BMP4: variants seen among roughly 807,000 people sequenced by gnomAD.
BMP4 encodes the protein bone morphogenetic protein 2B.
In BMP4, 3 loss-of-function variants were observed where a neutral mutation model predicts 29.6. The ratio of observed to expected loss-of-function variants is 0.10; its 90% confidence interval spans 0.05 to 0.26. The LOEUF is 0.26. Among genes scored for constraint, BMP4 ranks in the 10% least tolerant of loss-of-function variants. BMP4 has a pLI of 1.00. For missense variants in BMP4, 455 were observed against 550.2 expected, an observed-to-expected ratio of 0.83 and a Z score of 1.73; for synonymous variants, 197 against 213.2, an observed-to-expected ratio of 0.92 and a Z score of 0.66.
At chr14:53,953,717 G>A (rs2140241786) in intron 1 of BMP4, among the ~76,000 whole-genome samples, 1 of 152,078 alleles carries the variant, frequency 6.6e-6, no homozygotes, top group Admixed American at 6.5e-5. Context: ...CCCGGTTCTC[G>A]GCGCGGTGCG....
chr14:53,950,491 T>C lies in BMP4; in HGVS notation c.768A>G (p.Arg256=). Residue 256 remains arginine, a synonymous_variant, in exon 4 of 4, where the codon CGA becomes CGG. Coordinates refer to ENST00000245451, the MANE Select transcript of BMP4 (RefSeq NM_001202.6). The surrounding 1 kb of genome is among the most constrained non-coding windows in gnomAD (Gnocchi z 5.4). ...AATTCCCACTCCCTTGAGGTAACGATCGGCTAATCCTGACATGCTGGCCCT... is the reference window on the plus strand; with the variant it reads ...AATTCCCACTCCCTTGAGGTAACGACCGGCTAATCCTGACATGCTGGCCCT... ...THQGQHVRIS[R]SLPQGSGNWA... is the part of the protein sequence containing the mutation. The C allele has an allele frequency of 1.2e-6, 2 of 1,614,128 alleles. No individual in the cohort carries two copies. Among genetic ancestry groups the C allele is most frequent in the Non-Finnish European group, 8.5e-7 (1 of 1,180,028 alleles).
At position 53,952,046 on chromosome 14, in the gene BMP4, C is replaced by T. The variant is rs887613763; in HGVS notation, c.177G>A (p.Ala59=). 1 of 1,614,112 alleles carries T rather than the reference C, an allele frequency of 6.2e-7. No homozygotes were observed. Among genetic ancestry groups the T allele is most frequent in the East Asian group, 2.2e-5 (1 of 44,866 alleles). Residue 59 remains alanine (A), a synonymous_variant, in exon 3 of 4, where the codon GCG becomes GCA. Transcript: ENST00000245451. The part of the protein sequence containing the change: ...QSHELLRDFE[A]TLLQMFGLRR... ...GCAGCCCAAACATCTGCAGAAGTGT[C>T]GCCTCGAAGTCCCGCAGGAGCTCAT...
rs1377936232 is a variant in BMP4 at position 53,954,302 on chromosome 14, C to G, written c.-132-902G>C. Reference sequence around the variant, plus strand: ...AGGCTGAGGGACAGACGCCGGGGCTCGAAGCTCCGGGCAGATTCAGAAAGA... The same window carrying G: ...AGGCTGAGGGACAGACGCCGGGGCTGGAAGCTCCGGGCAGATTCAGAAAGA... On this transcript the variant is annotated intron_variant, in intron 1 of 3. Coordinates refer to ENST00000245451, the MANE Select transcript of BMP4 (RefSeq NM_001202.6). This position sits in a 1 kb window ranked among gnomAD's most constrained non-coding sequence, Gnocchi z 4.8. The G allele has an allele frequency of 6.6e-6, 1 of 152,016 alleles. No individual in the cohort carries two copies. Among genetic ancestry groups the G allele is most frequent in the Admixed American group, 6.6e-5 (1 of 15,258 alleles). The allele number at this position is 152,016 out of a possible 1,614,324, so 9.4% of individuals were successfully genotyped here.
At position 53,951,875 on chromosome 14, in the gene BMP4, G is replaced by A. The variant is rs909451835; in HGVS notation, c.348C>T (p.Thr116=). 1.0e-5 allele frequency: 16 copies of A among 1,599,806 alleles called. No individual in the cohort carries two copies. The highest frequency in any genetic ancestry group is 1.4e-5 in the Non-Finnish European group (16 of 1,179,946). The change falls in exon 3 of 4, where the codon ACC becomes ACT. Residue 116 remains threonine (T), a synonymous_variant. Transcript: ENST00000245451. ...GACCTTCGTGGTGGAAGCTCCTCAC[G>A]GTGTTGGCCCGGCTGGCCGGGCGCT... ...YPERPASRAN[T]VRSFHHEEHL...
At chr14:53,952,808 G>A (rs1368363142) in intron 2 of BMP4, among the ~76,000 whole-genome samples, 1 of 152,128 alleles carries the variant, frequency 6.6e-6, no homozygotes, top group Non-Finnish European at 1.5e-5. Context: ...GTGGCTTGAG[G>A]GCTTATTTTA....
Position 53,950,147 on chromosome 14 carries a change from G to C in BMP4, c.1112C>G (p.Ala371Gly). ...ACTCAGTTCAGTGGGCACACAACAG[G>C]CTTTGGGGATACTGGAATTGACAGA... ...VNSVNSSIPK[A>G]CCVPTELSAI... The change falls in exon 4 of 4, where the codon GCC becomes GGC. Residue 371 changes from alanine (A) to glycine (G), a missense_variant. Transcript: ENST00000245451. The surrounding 1 kb of genome is among the most constrained non-coding windows in gnomAD (Gnocchi z 5.4). The C allele has an allele frequency of 1.2e-6, 2 of 1,614,194 alleles. No homozygotes were observed. Among genetic ancestry groups the C allele is most frequent in the South Asian group, 2.2e-5 (2 of 91,088 alleles).
chr14:53,952,254 G>A (rs1463229384), intron 2 of BMP4, 25 bp from the exon 3 acceptor site: 3 of 1,611,008 alleles, frequency 1.9e-6, no homozygotes, highest in Non-Finnish European at 2.5e-6. Context: ...GGGAGTGGAA[G>A]GTTAAAGAAT....
Position 53,949,843 on chromosome 14 carries a change from G to A in BMP4, c.*189C>T, listed in dbSNP as rs142822714. The A allele has an allele frequency of 4.4e-4, 271 of 613,610 alleles. 1 individual carries two copies. In the African/African-American group the frequency reaches 4.5e-3, roughly 10 times the overall value. 38.0% of individuals were successfully genotyped at this position (613,610 alleles called of 1,614,324 possible). On this transcript the variant is annotated 3_prime_UTR_variant, in exon 4 of 4. Transcript: ENST00000245451. The stretch of plus-strand genomic sequence containing the variant: ...TATGGTCAAAACATTTGCACGTAAA[G>A]TCATAAATAAGGTCAAGGTGAATGT...
rs956856227 is a variant in BMP4 at position 53,955,211 on chromosome 14, C to G, written c.-133+1339G>C. On this transcript the variant is annotated intron_variant, in intron 1 of 3. Coordinates refer to ENST00000245451, the MANE Select transcript of BMP4 (RefSeq NM_001202.6). This position sits in a 1 kb window ranked among gnomAD's most constrained non-coding sequence, Gnocchi z 4.0. Reference sequence around the variant, plus strand: ...TTTAAAAAGCCCGGCGAGGAGAGGTCCAGAAGTAGAGAAAGCAGACGGAGG... The same window carrying G: ...TTTAAAAAGCCCGGCGAGGAGAGGTGCAGAAGTAGAGAAAGCAGACGGAGG... Among the ~76,000 whole-genome samples, 1 of 152,154 alleles carries G rather than the reference C, an allele frequency of 6.6e-6. No homozygotes were observed.
rs773605577 is a variant in BMP4, at chr14:53,952,133, C to T, written c.90G>A (p.Thr30=). 4.3e-6 allele frequency: 7 copies of T among 1,613,648 alleles called. No homozygotes were observed. The East Asian group carries it at 6.7e-5, about 15-fold the overall frequency. ...GASHASLIPE[T]GKKKVAEIQG... ...GAATCTCGGCGACTTTTTTCTTCCC[C>T]GTCTCAGGTATCAAACTAGCATGGC... is the stretch of plus-strand genomic sequence containing the variant. Residue 30 remains threonine, a synonymous_variant, in exon 3 of 4, where the codon ACG becomes ACA. Transcript: ENST00000245451.
Position 53,953,295 on chromosome 14 carries a change from T to G in BMP4, c.-27A>C, listed in dbSNP as rs1895545278. On this transcript the variant is annotated 5_prime_UTR_variant, in exon 2 of 4. Transcript: ENST00000245451. ...ACTCACTGACAGAAAACAAGGCATA[T>G]AATAACAGTCCATGATTCTTGACAG... 2.5e-6 allele frequency: 1 copy of G among 399,124 alleles called. No homozygotes were observed. Among genetic ancestry groups the G allele is most frequent in the Non-Finnish European group, 4.4e-6 (1 of 226,116 alleles). 24.7% of individuals were successfully genotyped at this position (399,124 alleles called of 1,614,324 possible). A position where few individuals can be genotyped will look rare whatever the true frequency, so the allele number is the denominator to read the frequency against.
chr14:53,953,757 G>A (rs1029808834), intron 1 of BMP4, among the ~76,000 whole-genome samples: 7 of 151,842 alleles, frequency 4.6e-5, no homozygotes, highest in Non-Finnish European at 7.4e-5. Flanking sequence ...CGGGCCACCT[G>A]AAGCCAGAGG....
chr14:53,954,256 G>A lies in BMP4; in HGVS notation c.-132-856C>T, dbSNP rs1038914842. On this transcript the variant is annotated intron_variant, in intron 1 of 3. Coordinates refer to ENST00000245451, the MANE Select transcript of BMP4 (RefSeq NM_001202.6). The surrounding 1 kb of genome is among the most constrained non-coding windows in gnomAD (Gnocchi z 4.8). ...GTGGCCCCTCTCCCCATGCAAAGCA[G>A]ACCCCCGAAGAAGCCATGCCAGGCT... Among the ~76,000 whole-genome samples the A allele has an allele frequency of 5.1e-4, 78 of 152,178 alleles. No homozygotes were observed. Among genetic ancestry groups the A allele is most frequent in the Non-Finnish European group, 9.0e-4 (61 of 68,006 alleles).
At position 53,950,815 on chromosome 14, in the gene BMP4, A is replaced by C; in HGVS notation, c.444T>G (p.Pro148=). 6.2e-7 allele frequency: 1 copy of C among 1,612,308 alleles called. No homozygotes were observed. Among genetic ancestry groups the C allele is most frequent in the Non-Finnish European group, 8.5e-7 (1 of 1,180,020 alleles). The part of the protein sequence containing the change: ...FRFLFNLSSI[P]ENEVISSAEL... ...CTGCAGAGGAGATCACCTCGTTCTCAGGGATGCTGCTGAGGTTAAAGAGGA... is the reference window on the plus strand; with the variant it reads ...CTGCAGAGGAGATCACCTCGTTCTCCGGGATGCTGCTGAGGTTAAAGAGGA... The change falls in exon 4 of 4, where the codon CCT becomes CCG. Residue 148 remains proline (P), a synonymous_variant. Coordinates refer to ENST00000245451, the MANE Select transcript of BMP4 (RefSeq NM_001202.6). This position sits in a 1 kb window ranked among gnomAD's most constrained non-coding sequence, Gnocchi z 5.4.
Position 53,951,921 on chromosome 14 carries a change from C to T in BMP4, c.302G>A (p.Ser101Asn). 1.2e-6 allele frequency: 2 copies of T among 1,604,830 alleles called. No homozygotes were observed. Among genetic ancestry groups the T allele is most frequent in the Non-Finnish European group, 1.7e-6 (2 of 1,179,968 alleles). Residue 101 changes from serine to asparagine, a missense_variant, in exon 3 of 4, where the codon AGC (serine) becomes AAC (asparagine). Around this residue, in one of 4 missense-constraint regions of BMP4, gnomAD observed 249 missense variants for 284.6 expected, o/e 0.87. Coordinates refer to ENST00000245451, the MANE Select transcript of BMP4 (RefSeq NM_001202.6). The stretch of plus-strand genomic sequence containing the variant: ...GCGCTCAGGATACTCAAGACCAGTG[C>T]TGTGGATCTGCTCTTCCTCCTCCTC... Reference protein sequence around the residue: ...SGEEEEEQIHSTGLEYPERPA... With the variant: ...SGEEEEEQIHNTGLEYPERPA...
rs1895298086 is a variant in BMP4, at chr14:53,950,132, G to A, written c.1127C>T (p.Thr376Ile). ...SSIPKACCVP[T>I]ELSAISMLYL... ...CAGCATGGAGATGGCACTCAGTTCA[G>A]TGGGCACACAACAGGCTTTGGGGAT... Residue 376 changes from threonine (T) to isoleucine (I), a missense_variant, in exon 4 of 4, where the codon ACT becomes ATT. This residue lies in a region of BMP4 where 48 missense variants were observed against 90.4 expected (regional missense o/e 0.53). Transcript: ENST00000245451. The surrounding 1 kb of genome is among the most constrained non-coding windows in gnomAD (Gnocchi z 5.4). 3.1e-6 allele frequency: 5 copies of A among 1,614,080 alleles called. No individual in the cohort carries two copies. The Admixed American group carries it at 5.0e-5, about 16-fold the overall frequency.
chr14:53,951,767 C>G, intron 3 of BMP4, 86 bp downstream of exon 3: 1 of 1,548,372 alleles, frequency 6.5e-7, no homozygotes, highest in Non-Finnish European at 8.7e-7. Context: ...TTGATGTAAC[C>G]CGAACTCTTC....
rs199698258 is a variant in BMP4, at chr14:53,950,829, G to A, written c.430C>T (p.Leu144Phe). 2.5e-6 allele frequency: 4 copies of A among 1,610,868 alleles called. No homozygotes were observed. Among genetic ancestry groups the A allele is most frequent in the Non-Finnish European group, 2.5e-6 (3 of 1,180,010 alleles). ...ENSAFRFLFNLSSIPENEVIS... is the reference protein window; with the variant it reads ...ENSAFRFLFNFSSIPENEVIS... ...ACCTCGTTCTCAGGGATGCTGCTGA[G>A]GTTAAAGAGGAAACGAAAAGCAGAG... Residue 144 changes from leucine to phenylalanine, a missense_variant, in exon 4 of 4, where the codon CTC becomes TTC. Transcript: ENST00000245451. The surrounding 1 kb of genome is among the most constrained non-coding windows in gnomAD (Gnocchi z 5.4).
intron 2 of BMP4, among the ~76,000 whole-genome samples, chr14:53,952,509 C>CT (rs1248969192): frequency 6.6e-6 from 1 of 151,782 alleles, no homozygotes; most frequent in East Asian, 1.9e-4. Context: ...TCCTGTTAAT[C>CT]TTTTTTTGTC....
Sources: allele counts gnomAD v4.1 joint callset (sites outside exome capture counted in the v4.1 genomes callset), GRCh38; gene constraint gnomAD v4.1.1; regional missense constraint gnomAD v4.1.1; non-coding constraint Gnocchi (gnomAD v3.1); transcripts MANE v1.5; gene names NCBI Gene and HGNC (gene_info 2026-07-23, HGNC 2026-07-21).